FAM53A: variants seen among roughly 807,000 people sequenced by gnomAD.
The protein encoded by FAM53A is family with sequence similarity 53 member A, also known as protein FAM53A.
A neutral mutation model predicts 26.6 loss-of-function variants in FAM53A; 28 were observed. The ratio of observed to expected loss-of-function variants is 1.05; its 90% CI spans 0.78 to 1.45. The LOEUF is 1.45. Ranked by LOEUF, FAM53A falls within the 40% of genes most tolerant of loss-of-function variation. The probability of loss-of-function intolerance (pLI) is 0.00; values close to 1 mark genes in which losing one functional copy is unlikely to be tolerated. For synonymous variants in FAM53A, 290 were observed against 253.1 expected, an observed-to-expected ratio of 1.15 and a Z score of -1.38; for missense variants, 650 against 575.8, an observed-to-expected ratio of 1.13 and a Z score of -1.32.
At chr4:1,611,706 G>A in the FAM53A span, among the ~76,000 whole-genome samples, 44 of 152,346 alleles carry the variant, frequency 2.9e-4, 3 homozygotes, top group South Asian at 9.1e-3. Flanking sequence ...CACACGGTGG[G>A]CAAGGGGCCA....
the FAM53A span, among the ~76,000 whole-genome samples, chr4:1,606,359 C>T: frequency 1.3e-5 from 2 of 152,046 alleles, no homozygotes; most frequent in Non-Finnish European, 2.9e-5. Context: ...ATGACTCTTA[C>T]TGGGGTCTAT....
At chr4:1,594,024 T>TG in the FAM53A span, among the ~76,000 whole-genome samples, 14 of 151,956 alleles carry the variant, frequency 9.2e-5, no homozygotes, top group Non-Finnish European at 4.4e-5. Flanking sequence ...CAGGGGCCGC[T>TG]GGGGGCAGCT....
the FAM53A span, among the ~76,000 whole-genome samples, chr4:1,609,479 G>C: frequency 6.6e-6 from 1 of 152,190 alleles, no homozygotes; most frequent in African/African-American, 2.4e-5. Context: ...ACTGGATCAT[G>C]GGTGCACATA....
At chr4:1,643,572 T>A (rs1711955036) in intron 4 of FAM53A, among the ~76,000 whole-genome samples, 1 of 151,480 alleles carries the variant, frequency 6.6e-6, no homozygotes, top group African/African-American at 2.4e-5. Flanking sequence ...GAATAATTTT[T>A]TTTTTTTTTT....
At chr4:1,614,048 G>A (rs1357820750), downstream of FAM53A, among the ~76,000 whole-genome samples, 2 of 152,184 alleles carry the variant, frequency 1.3e-5, no homozygotes, top group Non-Finnish European at 2.9e-5. Flanking sequence ...GTATGCTCAC[G>A]CGACCAGCCT....
At chr4:1,611,677 G>A in the FAM53A span, among the ~76,000 whole-genome samples, 1 of 152,246 alleles carries the variant, frequency 6.6e-6, no homozygotes, top group Admixed American at 6.5e-5. Flanking sequence ...CCTGGCTCCT[G>A]AGCCCTGCAG....
the FAM53A span, among the ~76,000 whole-genome samples, chr4:1,606,100 G>A: frequency 6.7e-6 from 1 of 149,890 alleles, no homozygotes; most frequent in Non-Finnish European, 1.5e-5. Flanking sequence ...GTGCAGTGGC[G>A]CGATCTCAAC....
chr4:1,673,839 G>A (rs143194213), intron 1 of FAM53A, among the ~76,000 whole-genome samples: 2 of 152,396 alleles, frequency 1.3e-5, no homozygotes, highest in Admixed American at 1.3e-4. Context: ...TCTGGCACGC[G>A]GGAGGCGCAT....
the FAM53A span, among the ~76,000 whole-genome samples, chr4:1,600,718 G>A: frequency 6.6e-6 from 1 of 152,196 alleles, no homozygotes; most frequent in East Asian, 1.9e-4. Context: ...GTGCAGTGGT[G>A]TGATCACAGC....
At chr4:1,575,022 G>A in the FAM53A span, among the ~76,000 whole-genome samples, 21 of 152,338 alleles carry the variant, frequency 1.4e-4, no homozygotes, top group Non-Finnish European at 7.4e-5. Flanking sequence ...CTAAAGGCAC[G>A]TGACAGCAGT....
intron 2 of FAM53A, among the ~76,000 whole-genome samples, chr4:1,667,231 G>A (rs767206876): frequency 9.9e-5 from 15 of 152,160 alleles, no homozygotes; most frequent in South Asian, 2.1e-4. Context: ...CCCGGGAGAC[G>A]GAGGTTGCAG....
chr4:1,597,324 A>G, the FAM53A span, among the ~76,000 whole-genome samples: 3 of 149,782 alleles, frequency 2.0e-5, no homozygotes, highest in African/African-American at 7.4e-5. Context: ...GCAGAACCCC[A>G]CCGGCCCGAC....
intron 1 of FAM53A, among the ~76,000 whole-genome samples, chr4:1,670,539 C>A (rs1167825506): frequency 6.6e-6 from 1 of 152,242 alleles, no homozygotes; most frequent in Non-Finnish European, 1.5e-5. Context: ...AGGGGACACA[C>A]CACATCAGCT....
intron 4 of FAM53A, among the ~76,000 whole-genome samples, chr4:1,643,219 C>T (rs1041874967): frequency 2.6e-5 from 4 of 152,186 alleles, no homozygotes; most frequent in Admixed American, 6.5e-5. Context: ...GTAATCCCAG[C>T]ACTTTGGGAG....
chr4:1,620,228 A>T (rs1714970638), intron 1 of FAM53A, among the ~76,000 whole-genome samples: 1 of 151,484 alleles, frequency 6.6e-6, no homozygotes, highest in Non-Finnish European at 1.5e-5. Context: ...AAATTAATTA[A>T]TTAAAAATAA....
intron 1 of FAM53A, among the ~76,000 whole-genome samples, chr4:1,633,936 A>C (rs1381595517): frequency 1.3e-5 from 2 of 152,220 alleles, no homozygotes; most frequent in African/African-American, 4.8e-5. Flanking sequence ...CTTCCTGTTC[A>C]GCACCAACGC....
chr4:1,608,533 C>T, the FAM53A span, among the ~76,000 whole-genome samples: 35 of 152,292 alleles, frequency 2.3e-4, 1 homozygote, highest in African/African-American at 6.7e-4. Context: ...TGAGGGGCTC[C>T]GTGGCAAGAG....
downstream of FAM53A, among the ~76,000 whole-genome samples, chr4:1,636,999 C>T (rs1022208433): frequency 1.3e-5 from 2 of 152,190 alleles, no homozygotes; most frequent in African/African-American, 2.4e-5. Context: ...GCACATGCGG[C>T]GGCGAGCACG....
rs1416101164 is a variant in FAM53A, at chr4:1,641,226, G to A, written c.*67C>T. 19 of 1,531,038 alleles carry A rather than the reference G, an allele frequency of 1.2e-5. 1 individual carries two copies. The highest frequency in any genetic ancestry group is 2.8e-5 in the African/African-American group (2 of 71,338). The allele number at this position is 1,531,038 out of a possible 1,614,324, so 94.8% of individuals were successfully genotyped here. A position where few individuals can be genotyped will look rare whatever the true frequency, so the allele number is the denominator to read the frequency against. On this transcript the variant is annotated 3_prime_UTR_variant, in exon 5 of 5. Coordinates refer to ENST00000308132, the MANE Select transcript of FAM53A (RefSeq NM_001174070.3). ...GGCCGTGGCCCCGACCAGCTCACAG[G>A]AAACCTACTCTGTGCCCCAGGGCAG...
Sources: allele counts gnomAD v4.1 joint callset (sites outside exome capture counted in the v4.1 genomes callset), GRCh38; gene constraint gnomAD v4.1.1; transcripts MANE v1.5; gene names NCBI Gene and HGNC (gene_info 2026-07-23, HGNC 2026-07-21).